The following SLC19A3 variants were observed in gnomAD, a reference collection of about 807,000 sequenced individuals.
The protein encoded by SLC19A3 is thiamine transporter 2.
A neutral mutation model predicts 40.2 loss-of-function variants in SLC19A3; 31 were observed. That is an observed-to-expected ratio of 0.77 (90% CI 0.58 to 1.04). The LOEUF is 1.04. Among genes scored for constraint, SLC19A3 ranks in the 50% least tolerant of loss-of-function variants. The probability of loss-of-function intolerance (pLI) is 0.00; values close to 1 mark genes in which losing one functional copy is unlikely to be tolerated. For missense variants in SLC19A3, 592 were observed against 596.7 expected, an observed-to-expected ratio of 0.99 and a Z score of 0.08; for synonymous variants, 212 against 227.5, an observed-to-expected ratio of 0.93 and a Z score of 0.61.
intron 1 of SLC19A3, among the ~76,000 whole-genome samples, chr2:227,707,514 C>T (rs1363987112): frequency 6.6e-6 from 1 of 151,752 alleles, no homozygotes; most frequent in Admixed American, 6.6e-5. Context: ...GACCTGAAGG[C>T]GGAGGTTGCA....
Position 227,686,491 on chromosome 2 carries a change from T to A in SLC19A3, c.*906A>T, listed in dbSNP as rs1695021751. On this transcript the variant is annotated 3_prime_UTR_variant, in exon 6 of 6. Transcript: ENST00000644224. The stretch of plus-strand genomic sequence containing the variant: ...ACACCACGCTGCCCAGCTAATTTTT[T>A]AATTTTTTAGTAGAGTCAGGTGTCA... 1 of 152,972 alleles carries A rather than the reference T, an allele frequency of 6.5e-6. No homozygotes were observed. The highest frequency in any genetic ancestry group is 2.4e-5 in the African/African-American group (1 of 41,434). The allele number at this position is 152,972 out of a possible 1,614,324, so 9.5% of individuals were successfully genotyped here. A position where few individuals can be genotyped will look rare whatever the true frequency, so the allele number is the denominator to read the frequency against.
rs767519527 is a variant in SLC19A3 at position 227,703,395 on chromosome 2, A to AC, written c.-2-1076dup. On this transcript the variant is annotated intron_variant, in intron 1 of 5. Transcript: ENST00000644224. The surrounding 1 kb of genome is among the most constrained non-coding windows in gnomAD (Gnocchi z 4.7). ...GTCACATCATTGCGGCTTGCCACTC[A>AC]CCCTACCCTTTCCCAAGGTGACCCC... Among the ~76,000 whole-genome samples the AC allele has an allele frequency of 4.6e-5, 7 of 151,930 alleles. No homozygotes were observed. Among genetic ancestry groups the AC allele is most frequent in the African/African-American group, 7.3e-5 (3 of 41,340 alleles).
At chr2:227,691,609 C>A (rs1695232219) in intron 4 of SLC19A3, among the ~76,000 whole-genome samples, 1 of 151,438 alleles carries the variant, frequency 6.6e-6, no homozygotes, top group Non-Finnish European at 1.5e-5. Flanking sequence ...AAGACCCTGT[C>A]TCTTAAAGAA....
chr2:227,698,660 C>T lies in SLC19A3; in HGVS notation c.979+76G>A. The T allele has an allele frequency of 3.1e-6, 4 of 1,293,632 alleles. No homozygotes were observed. In the South Asian group the frequency reaches 4.7e-5, roughly 15 times the overall value. 80.1% of individuals were successfully genotyped at this position (1,293,632 alleles called of 1,614,324 possible). A position where few individuals can be genotyped will look rare whatever the true frequency, so the allele number is the denominator to read the frequency against. On this transcript the variant is annotated intron_variant, in intron 3 of 5. Coordinates refer to ENST00000644224, the MANE Select transcript of SLC19A3 (RefSeq NM_025243.4). ...CTTCTGAACAGAGCTAATTCGCTGC[C>T]ATGAAGTTCGGTACCTGGAGGAATG...
At chr2:227,706,354 G>A in intron 1 of SLC19A3, 1 of 1,231,542 alleles carries the variant, frequency 8.1e-7, no homozygotes, top group East Asian at 3.2e-5. Flanking sequence ...TTCATTTTCT[G>A]TGTGTTCCAA....
intron 1 of SLC19A3, among the ~76,000 whole-genome samples, chr2:227,711,254 A>C (rs1242225720): frequency 6.6e-6 from 1 of 151,438 alleles, no homozygotes; most frequent in Non-Finnish European, 1.5e-5. Flanking sequence ...CCCGTCTCTA[A>C]TACAAATACA....
chr2:227,701,674 G>T (rs1695700844), intron 2 of SLC19A3: 1 of 154,624 alleles, frequency 6.5e-6, no homozygotes, highest in African/African-American at 2.4e-5. Flanking sequence ...AAAAAGAAAG[G>T]CGTTGCTCTT....
intron 1 of SLC19A3, among the ~76,000 whole-genome samples, chr2:227,715,248 A>ACAAG (rs1490901321): frequency 6.9e-6 from 1 of 144,924 alleles, no homozygotes; most frequent in Non-Finnish European, 1.5e-5. Flanking sequence ...GTCAAACCCC[A>ACAAG]CACCCCCCCC....
At chr2:227,701,088 T>G (rs943872673) in intron 2 of SLC19A3, 1 of 1,301,884 alleles carries the variant, frequency 7.7e-7, no homozygotes, top group Non-Finnish European at 1.0e-6. Context: ...CTTTGTTGTC[T>G]TAATTGTGGC....
chr2:227,705,041 C>G (rs1262135364), intron 1 of SLC19A3, among the ~76,000 whole-genome samples: 3 of 152,028 alleles, frequency 2.0e-5, no homozygotes, highest in African/African-American at 7.2e-5. Context: ...CCATGCCTGG[C>G]TAATTTTTGT....
At chr2:227,700,276 C>T (rs967857674) in intron 2 of SLC19A3, among the ~76,000 whole-genome samples, 5 of 151,950 alleles carry the variant, frequency 3.3e-5, no homozygotes, top group African/African-American at 1.2e-4. Flanking sequence ...TGGTGGCTCA[C>T]ACCTGTAATC....
chr2:227,715,815 T>C (rs1165066864), intron 1 of SLC19A3, among the ~76,000 whole-genome samples: 1 of 150,596 alleles, frequency 6.6e-6, no homozygotes, highest in African/African-American at 2.5e-5. Context: ...CTAGGCATGG[T>C]GGTGTGTGCC....
chr2:227,696,583 C>T (rs187082389), intron 3 of SLC19A3, among the ~76,000 whole-genome samples: 220 of 152,192 alleles, frequency 1.4e-3, no homozygotes, highest in Non-Finnish European at 2.5e-3. Flanking sequence ...CAGTTTTAGT[C>T]TTTATTATGA....
chr2:227,716,541 A>G (rs1019863813), intron 1 of SLC19A3, among the ~76,000 whole-genome samples: 1 of 152,166 alleles, frequency 6.6e-6, no homozygotes, highest in Non-Finnish European at 1.5e-5. Context: ...GACCAAGAAT[A>G]TACCCCACAC....
At chr2:227,690,706 C>CAAAAAAAAAAAAAAAAAA (rs34163746) in intron 4 of SLC19A3, among the ~76,000 whole-genome samples, 3 of 39,166 alleles carry the variant, frequency 7.7e-5, no homozygotes, top group African/African-American at 1.9e-4. Flanking sequence ...GACTCCATCT[C>CAAAAAAAAAAAAAAAAAA]AAAAAAAAAA....
chr2:227,711,810 G>A (rs1212465708), intron 1 of SLC19A3, among the ~76,000 whole-genome samples: 1 of 152,016 alleles, frequency 6.6e-6, no homozygotes, highest in Non-Finnish European at 1.5e-5. Flanking sequence ...AGCATTTTGG[G>A]AGGCCGAGGT....
rs144189716 is a variant in SLC19A3 at position 227,717,946 on chromosome 2, C to A, written c.-6G>T. On this transcript the variant is annotated 5_prime_UTR_variant, in exon 1 of 6. Transcript: ENST00000644224. ...TCGCCCCCCGAGATATTCTTACCTA[C>A]AGAAGGGAGTGTCTGTTCACCAAAT... The A allele has an allele frequency of 2.4e-4, 239 of 985,452 alleles. 1 individual carries two copies. In the African/African-American group the frequency reaches 3.9e-3, roughly 16 times the overall value. The allele number at this position is 985,452 out of a possible 1,614,324, so 61.0% of individuals were successfully genotyped here. A position where few individuals can be genotyped will look rare whatever the true frequency, so the allele number is the denominator to read the frequency against.
At chr2:227,702,476 C>G (rs1335163235) in intron 1 of SLC19A3, 156 bp from the exon 2 acceptor site, 1 of 695,302 alleles carries the variant, frequency 1.4e-6, no homozygotes, top group Admixed American at 2.5e-5. Context: ...CCATTGCAAC[C>G]TGTGCCTCCC....
rs538059165 is a variant in SLC19A3, at chr2:227,711,202, C to T, written c.-3+6741G>A. Among the ~76,000 whole-genome samples the T allele has an allele frequency of 3.7e-4, 56 of 151,968 alleles. No individual in the cohort carries two copies. In the South Asian group the frequency reaches 6.0e-3, roughly 16 times the overall value. On this transcript the variant is annotated intron_variant, in intron 1 of 5. Coordinates refer to ENST00000644224, the MANE Select transcript of SLC19A3 (RefSeq NM_025243.4). ...GGAGGCTGAGACAGGCAGATCACCT[C>T]AGGTCAGGAGTTCGAGACCAGCCTG... is the stretch of plus-strand genomic sequence containing the variant.
Sources: allele counts gnomAD v4.1 joint callset (sites outside exome capture counted in the v4.1 genomes callset), GRCh38; gene constraint gnomAD v4.1.1; non-coding constraint Gnocchi (gnomAD v3.1); transcripts MANE v1.5; gene names NCBI Gene and HGNC (gene_info 2026-07-23, HGNC 2026-07-21).